Variants in ST18 observed in about 807,000 individuals in gnomAD.
ST18 encodes the protein suppression of tumorigenicity 18 protein.
A neutral mutation model predicts 110.0 loss-of-function variants in ST18; 50 were observed. That is an observed-to-expected ratio of 0.45 (90% CI 0.36 to 0.58). The LOEUF is 0.58. ST18 is among the 20% of genes least tolerant of loss of function. The pLI is 0.00. For missense variants in ST18, 1,306 were observed against 1,280.1 expected, an observed-to-expected ratio of 1.02 and a Z score of -0.31; for synonymous variants, 461 against 452.4, an observed-to-expected ratio of 1.02 and a Z score of -0.24.
rs2062974178 is a variant in ST18, at chr8:52,166,345, A to G, written c.1204+507T>C. ...CAGCCAATCTGGAACCCACAGCCCA[A>G]CTACCTCCTTTACTGGGCGCTCACC... On this transcript the variant is annotated intron_variant, in intron 11 of 25. Transcript: ENST00000689386. 2.6e-5 allele frequency among the ~76,000 whole-genome samples: 4 copies of G among 152,164 alleles called. No homozygotes were observed. In the South Asian group the frequency reaches 8.3e-4, roughly 32 times the overall value.
chr8:52,332,058 T>C (rs1285247963), intron 2 of ST18, among the ~76,000 whole-genome samples: 3 of 152,082 alleles, frequency 2.0e-5, no homozygotes, highest in Non-Finnish European at 4.4e-5. Flanking sequence ...TGTATGTGTG[T>C]ATGTATATAT....
intron 8 of ST18, among the ~76,000 whole-genome samples, chr8:52,184,672 C>G (rs886905590): frequency 6.6e-6 from 1 of 152,292 alleles, no homozygotes; most frequent in Middle Eastern, 3.4e-3. Context: ...GAGTTTTCAA[C>G]TTACCTACTA....
At chr8:52,136,961 A>C (rs895102090) in intron 18 of ST18, among the ~76,000 whole-genome samples, 7 of 152,232 alleles carry the variant, frequency 4.6e-5, no homozygotes, top group African/African-American at 1.7e-4. Flanking sequence ...CCTGCTGCAC[A>C]GCCAGGTGAT....
intron 10 of ST18, among the ~76,000 whole-genome samples, chr8:52,167,571 C>T (rs921856742): frequency 2.0e-5 from 3 of 152,212 alleles, no homozygotes; most frequent in Non-Finnish European, 2.9e-5. Context: ...TTCACGGTCT[C>T]GAGATTCCAA....
chr8:52,162,529 C>T (rs1036778891), intron 13 of ST18, among the ~76,000 whole-genome samples: 1 of 152,136 alleles, frequency 6.6e-6, no homozygotes, highest in Non-Finnish European at 1.5e-5. Flanking sequence ...TTAAGTAATA[C>T]TTTAAATGGC....
At chr8:52,181,119 C>T (rs971752956) in intron 8 of ST18, among the ~76,000 whole-genome samples, 1 of 152,164 alleles carries the variant, frequency 6.6e-6, no homozygotes, top group Non-Finnish European at 1.5e-5. Context: ...GACAAACATT[C>T]TCTTGGCAAG....
Position 52,117,924 on chromosome 8 carries a change from T to A in ST18, c.2859+414A>T, listed in dbSNP as rs528517424. 1.1e-3 allele frequency among the ~76,000 whole-genome samples: 160 copies of A among 152,190 alleles called. 1 individual carries two copies. The highest frequency in any genetic ancestry group is 8.7e-4 in the Non-Finnish European group (59 of 68,046). On this transcript the variant is annotated intron_variant, in intron 24 of 25. Coordinates refer to ENST00000689386, the MANE Select transcript of ST18 (RefSeq NM_001352837.2). ...TTGCTCAAGAAAATATTCAGTAAGA[T>A]CTGTTTCTAATAAATACTTACACAT...
intron 8 of ST18, among the ~76,000 whole-genome samples, chr8:52,204,525 A>C (rs922767919): frequency 1.3e-5 from 2 of 152,190 alleles, no homozygotes; most frequent in African/African-American, 2.4e-5. Context: ...GACGTGATCT[A>C]TTCTCACCCA....
At chr8:52,232,816 G>A (rs999867278) in intron 2 of ST18, among the ~76,000 whole-genome samples, 1 of 151,778 alleles carries the variant, frequency 6.6e-6, no homozygotes, top group Non-Finnish European at 1.5e-5. Flanking sequence ...AAGAGATGGA[G>A]GGTGCGTCTC....
intron 8 of ST18, among the ~76,000 whole-genome samples, chr8:52,207,951 G>C (rs2080701620): frequency 1.3e-5 from 2 of 152,162 alleles, no homozygotes; most frequent in Non-Finnish European, 2.9e-5. Flanking sequence ...ATAATGCAAT[G>C]GTCATGATTT....
intron 2 of ST18, among the ~76,000 whole-genome samples, chr8:52,236,641 T>C (rs985578053): frequency 2.0e-5 from 3 of 150,536 alleles, no homozygotes; most frequent in African/African-American, 7.3e-5. Flanking sequence ...CTATATCTGA[T>C]GCCAACATTC....
chr8:52,192,952 T>A (rs1406599123), intron 8 of ST18, among the ~76,000 whole-genome samples: 2 of 152,046 alleles, frequency 1.3e-5, no homozygotes, highest in Non-Finnish European at 2.9e-5. Flanking sequence ...TCACTGGAAG[T>A]TGTAGGGCTG....
Position 52,116,387 on chromosome 8 carries a change from A to G in ST18, c.2891T>C (p.Ile964Thr), listed in dbSNP as rs1297915501. ...TTCTATGAGTTTGTTCTCCTCCTCT[A>G]TCGTCTTTAAGTTGCTCTCCATAGA... Reference protein sequence around the residue: ...ITSMESNLKTIEEENKLIEQN... With the variant: ...ITSMESNLKTTEEENKLIEQN... The change falls in exon 25 of 26, where the codon ATA becomes ACA. Residue 964 changes from isoleucine (I) to threonine (T), a missense_variant. Coordinates refer to ENST00000689386, the MANE Select transcript of ST18 (RefSeq NM_001352837.2). 9.3e-6 allele frequency: 15 copies of G among 1,613,784 alleles called. No individual in the cohort carries two copies. The highest frequency in any genetic ancestry group is 1.3e-5 in the African/African-American group (1 of 74,906).
intron 17 of ST18, among the ~76,000 whole-genome samples, chr8:52,137,989 T>C (rs1033192938): frequency 1.3e-5 from 2 of 149,894 alleles, no homozygotes; most frequent in Admixed American, 1.3e-4. Context: ...TAATCCCAGC[T>C]ACTCGGAGGC....
chr8:52,205,790 A>T (rs909541695), intron 8 of ST18, among the ~76,000 whole-genome samples: 1 of 151,902 alleles, frequency 6.6e-6, no homozygotes, highest in African/African-American at 2.4e-5. Context: ...CTGGTCTCAA[A>T]CTCCTAACCT....
intron 15 of ST18, among the ~76,000 whole-genome samples, 191 bp downstream of exon 15, chr8:52,158,707 C>A (rs2060625439): frequency 6.6e-6 from 1 of 152,240 alleles, no homozygotes; most frequent in South Asian, 2.1e-4. Context: ...GATGTGCACA[C>A]TTTCATCCTT....
At chr8:52,301,166 G>A (rs2095715121) in intron 2 of ST18, among the ~76,000 whole-genome samples, 1 of 152,134 alleles carries the variant, frequency 6.6e-6, no homozygotes, top group Non-Finnish European at 1.5e-5. Context: ...ATATGTTAAT[G>A]CTATTACGAG....
chr8:52,184,965 T>C (rs750782890), intron 8 of ST18, among the ~76,000 whole-genome samples: 1 of 152,000 alleles, frequency 6.6e-6, no homozygotes, highest in Non-Finnish European at 1.5e-5. Flanking sequence ...CTAAGAAGAT[T>C]GACAGAAAAG....
chr8:52,135,739 TA>T (rs1055218336), intron 19 of ST18, among the ~76,000 whole-genome samples: 110 of 152,064 alleles, frequency 7.2e-4, no homozygotes, highest in Non-Finnish European at 9.6e-4. Flanking sequence ...AATTTTTAGA[TA>T]AAAAAATTTT....
Sources: allele counts gnomAD v4.1 joint callset (sites outside exome capture counted in the v4.1 genomes callset), GRCh38; gene constraint gnomAD v4.1.1; transcripts MANE v1.5; gene names NCBI Gene and HGNC (gene_info 2026-07-23, HGNC 2026-07-21).